Variants in GRID1 observed in about 807,000 individuals in gnomAD.
The protein encoded by GRID1 is glutamate receptor ionotropic, delta-1.
In GRID1, 28 loss-of-function variants were observed where a neutral mutation model predicts 98.0. That is an observed-to-expected ratio of 0.29 (90% CI 0.21 to 0.39). The LOEUF is 0.39. Among genes scored for constraint, GRID1 ranks in the 10% least tolerant of loss-of-function variants. The probability of loss-of-function intolerance (pLI) is 1.00; values close to 1 mark genes in which losing one functional copy is unlikely to be tolerated. For missense variants in GRID1, 1,111 were observed against 1,340.5 expected, an observed-to-expected ratio of 0.83 and a Z score of 2.67; for synonymous variants, 553 against 538.5, an observed-to-expected ratio of 1.03 and a Z score of -0.37.
chr10:86,142,329 T>C (rs1845022242), intron 3 of GRID1, among the ~76,000 whole-genome samples: 1 of 152,246 alleles, frequency 6.6e-6, no homozygotes, highest in African/African-American at 2.4e-5. Context: ...ATGCATTGTA[T>C]CTGGTATAGC....
intron 4 of GRID1, among the ~76,000 whole-genome samples, chr10:86,047,523 A>T (rs1487215356): frequency 6.6e-6 from 1 of 152,186 alleles, no homozygotes; most frequent in Admixed American, 6.5e-5. Flanking sequence ...TTTTGCGGGG[A>T]GCACCGCTAC....
intron 2 of GRID1, among the ~76,000 whole-genome samples, chr10:86,355,631 G>C (rs747271543): frequency 6.6e-5 from 10 of 152,318 alleles, no homozygotes; most frequent in Non-Finnish European, 1.3e-4. Flanking sequence ...GGCCCAGAAA[G>C]GGGAACTCTG....
chr10:86,069,353 C>G (rs563174595), intron 4 of GRID1, among the ~76,000 whole-genome samples: 62 of 152,276 alleles, frequency 4.1e-4, no homozygotes, highest in Non-Finnish European at 7.4e-4. Context: ...GGGCTGCAGT[C>G]AAGAGTGCTT....
chr10:86,205,028 G>A (rs1846006241), intron 3 of GRID1, among the ~76,000 whole-genome samples: 1 of 152,168 alleles, frequency 6.6e-6, no homozygotes, highest in Non-Finnish European at 1.5e-5. Context: ...GTCCTGGACT[G>A]AGTCCAGTTC....
intron 2 of GRID1, among the ~76,000 whole-genome samples, chr10:86,284,243 AC>A (rs1847397890): frequency 6.6e-6 from 1 of 151,910 alleles, no homozygotes; most frequent in Non-Finnish European, 1.5e-5. Flanking sequence ...CTGCCTTCAC[AC>A]ACACACCTGC....
rs571022889 is a variant in GRID1, at chr10:85,793,598, G to T, written c.1233+60898C>A. On this transcript the variant is annotated intron_variant, in intron 8 of 15. Coordinates refer to ENST00000327946, the MANE Select transcript of GRID1 (RefSeq NM_017551.3). Reference sequence around the variant, plus strand: ...TTTTCCAGCCTCTTCAGGGTCTGATGGTCTCTGCAGGGCTTCACCATTTGG... The same window carrying T: ...TTTTCCAGCCTCTTCAGGGTCTGATTGTCTCTGCAGGGCTTCACCATTTGG... Among the ~76,000 whole-genome samples the T allele has an allele frequency of 3.9e-5, 6 of 152,254 alleles. No individual in the cohort carries two copies. In the South Asian group the frequency reaches 1.2e-3, roughly 32 times the overall value.
At chr10:86,262,058 A>G (rs1847024359) in intron 2 of GRID1, among the ~76,000 whole-genome samples, 1 of 152,188 alleles carries the variant, frequency 6.6e-6, no homozygotes, top group African/African-American at 2.4e-5. Context: ...TGTCCAGCGT[A>G]ACACAGCCAG....
chr10:85,972,238 C>T (rs1441000853), intron 4 of GRID1, among the ~76,000 whole-genome samples: 2 of 151,174 alleles, frequency 1.3e-5, no homozygotes, highest in Middle Eastern at 3.4e-3. Flanking sequence ...GTCTCTTTTT[C>T]CCCCGGTACA....
intron 3 of GRID1, among the ~76,000 whole-genome samples, chr10:86,204,222 C>G (rs1233045423): frequency 6.6e-6 from 1 of 152,228 alleles, no homozygotes; most frequent in Non-Finnish European, 1.5e-5. Context: ...TCCTTCTCCC[C>G]ATTCCTCCTT....
At position 85,906,474 on chromosome 10, in the gene GRID1, T is replaced by C. The variant is rs1330893943; in HGVS notation, c.780+9712A>G. Among the ~76,000 whole-genome samples the C allele has an allele frequency of 2.0e-5, 3 of 152,176 alleles. No individual in the cohort carries two copies. In the East Asian group the frequency reaches 5.8e-4, roughly 29 times the overall value. ...ATCCTTTTCAAGTATACTTGAAATA[T>C]CTAGCAGGAAAGACAATATACTGGC... On this transcript the variant is annotated intron_variant, in intron 5 of 15. Transcript: ENST00000327946.
intron 2 of GRID1, among the ~76,000 whole-genome samples, chr10:86,295,979 T>C (rs889074601): frequency 1.3e-5 from 2 of 152,220 alleles, no homozygotes; most frequent in South Asian, 4.1e-4. Flanking sequence ...GCTCCTCCTG[T>C]TGCCAGAGAG....
At chr10:86,131,857 AG>A (rs753032585) in intron 4 of GRID1, among the ~76,000 whole-genome samples, 7 of 152,210 alleles carry the variant, frequency 4.6e-5, no homozygotes, top group Non-Finnish European at 7.4e-5. Context: ...TGGGGACAGA[AG>A]TCGGTGCTCC....
intron 4 of GRID1, among the ~76,000 whole-genome samples, chr10:86,105,016 C>T (rs190509239): frequency 2.6e-5 from 4 of 152,316 alleles, no homozygotes; most frequent in African/African-American, 7.2e-5. Context: ...CAAATCAATC[C>T]TACCCACTTC....
chr10:86,309,245 T>C (rs1045556973), intron 2 of GRID1, among the ~76,000 whole-genome samples: 1 of 152,036 alleles, frequency 6.6e-6, no homozygotes, highest in Admixed American at 6.5e-5. Flanking sequence ...AAGTGAAAAA[T>C]GGGGTCCAGA....
intron 2 of GRID1, among the ~76,000 whole-genome samples, chr10:86,346,138 A>G (rs1232761788): frequency 6.6e-6 from 1 of 152,136 alleles, no homozygotes; most frequent in Non-Finnish European, 1.5e-5. Context: ...GCTAGTGGCC[A>G]TAGTATGCAG....
At chr10:86,330,024 T>C (rs538664309) in intron 2 of GRID1, among the ~76,000 whole-genome samples, 1 of 152,106 alleles carries the variant, frequency 6.6e-6, no homozygotes, top group South Asian at 2.1e-4. Flanking sequence ...AGCAGGACTT[T>C]CCTCCCCTCA....
At chr10:85,695,593 A>G (rs1311947537) in intron 12 of GRID1, among the ~76,000 whole-genome samples, 1 of 152,224 alleles carries the variant, frequency 6.6e-6, no homozygotes, top group Non-Finnish European at 1.5e-5. Flanking sequence ...CTCTGGATAC[A>G]GGAGGAATAG....
At chr10:85,675,444 C>T (rs1201006958) in intron 12 of GRID1, among the ~76,000 whole-genome samples, 1 of 152,116 alleles carries the variant, frequency 6.6e-6, no homozygotes, top group African/African-American at 2.4e-5. Context: ...CAGGATGACT[C>T]CTGGTGAGAA....
intron 3 of GRID1, among the ~76,000 whole-genome samples, chr10:86,197,801 T>C (rs1845897662): frequency 2.0e-5 from 3 of 152,006 alleles, no homozygotes; most frequent in Non-Finnish European, 4.4e-5. Flanking sequence ...TAAACTTTAA[T>C]CTTCTAGGGC....
Sources: allele counts gnomAD v4.1 joint callset (sites outside exome capture counted in the v4.1 genomes callset), GRCh38; gene constraint gnomAD v4.1.1; transcripts MANE v1.5; gene names NCBI Gene and HGNC (gene_info 2026-07-23, HGNC 2026-07-21).